FAM227B: variants seen among roughly 807,000 people sequenced by gnomAD.
The protein encoded by FAM227B is family with sequence similarity 227 member B.
FAM227B carries 88 observed loss-of-function variants against 73.8 expected under a neutral mutation model. That is an observed-to-expected ratio of 1.19 (90% confidence interval 1.00 to 1.42). The LOEUF (loss-of-function observed/expected upper bound fraction) is 1.42. Among genes scored for constraint, FAM227B ranks in the 40% most tolerant of loss-of-function variants. The pLI is 0.00. For synonymous variants in FAM227B, 210 were observed against 190.5 expected (o/e 1.10, Z -0.84); for missense variants, 632 against 590.9 (o/e 1.07, Z -0.72).
intron 10 of FAM227B, 27 bp from the exon 11 acceptor site, chr15:49,508,375 C>T: frequency 1.3e-6 from 2 of 1,518,584 alleles, no homozygotes; most frequent in Non-Finnish European, 8.8e-7. Flanking sequence ...CATATTTAGC[C>T]AAATAAATTT....
At chr15:49,520,219 C>A (rs2059684447) in intron 10 of FAM227B, among the ~76,000 whole-genome samples, 1 of 152,228 alleles carries the variant, frequency 6.6e-6, no homozygotes, top group African/African-American at 2.4e-5. Flanking sequence ...GTCCATATCA[C>A]TATCAGCATC....
rs143834769 is a variant in FAM227B at position 49,541,800 on chromosome 15, G to C, written c.754C>G (p.Pro252Ala). 5.6e-6 allele frequency: 8 copies of C among 1,426,776 alleles called. No individual in the cohort carries two copies. In the African/African-American group the frequency reaches 1.0e-4, roughly 18 times the overall value. 88.4% of individuals were successfully genotyped at this position (1,426,776 alleles called of 1,614,324 possible). A position where few individuals can be genotyped will look rare whatever the true frequency, so the allele number is the denominator to read the frequency against. Residue 252 changes from proline (P) to alanine (A), a missense_variant, in exon 10 of 16, where the codon CCT (proline) becomes GCT (alanine). Pro to Ala is a conservative substitution (Grantham distance 27). Transcript: ENST00000299338. Reference protein sequence around the residue: ...SRKDAFFQIYPDCLAQAIYAT... With the variant: ...SRKDAFFQIYADCLAQAIYAT... ...TATATGGCTTGTGCCAAACAATCAG[G>C]ATATATCTACCAAAATAAAATCAAA... is the stretch of plus-strand genomic sequence containing the variant.
Position 49,488,580 on chromosome 15 carries a change from T to A in FAM227B, c.1012+19631A>T, listed in dbSNP as rs998244260. ...CTTTTACTTCCTGGTTATCATGTGGTTGCATTTTCCAAGTTCTTATCATTG... is the reference window on the plus strand; with the variant it reads ...CTTTTACTTCCTGGTTATCATGTGGATGCATTTTCCAAGTTCTTATCATTG... On this transcript the variant is annotated intron_variant, in intron 11 of 15. Transcript: ENST00000299338. The A allele has an allele frequency of 3.3e-5, 5 of 152,096 alleles. No individual in the cohort carries two copies. In the South Asian group the frequency reaches 1.0e-3, roughly 32 times the overall value. 9.4% of individuals were successfully genotyped at this position (152,096 alleles called of 1,614,324 possible).
intron 14 of FAM227B, among the ~76,000 whole-genome samples, chr15:49,334,504 G>T (rs2039356981): frequency 6.6e-6 from 1 of 152,108 alleles, no homozygotes; most frequent in South Asian, 2.1e-4. Flanking sequence ...CAACACCTGA[G>T]TACAGCTGGA....
intron 11 of FAM227B, among the ~76,000 whole-genome samples, chr15:49,392,529 A>G (rs557866930): frequency 5.9e-5 from 9 of 152,144 alleles, no homozygotes; most frequent in Non-Finnish European, 1.0e-4. Flanking sequence ...TATAAAAGTG[A>G]GGTTGAGTAA....
At position 49,494,256 on chromosome 15, in the gene FAM227B, AACACACACACACACAC is replaced by A. The variant is rs374477211; in HGVS notation, c.1012+13939_1012+13954del. Among the ~76,000 whole-genome samples the A allele has an allele frequency of 2.2e-3, 308 of 140,712 alleles. 2 individuals carry two copies. Among genetic ancestry groups the A allele is most frequent in the African/African-American group, 7.7e-3 (300 of 39,080 alleles). 92.3% of individuals were successfully genotyped at this position (140,712 alleles called of 152,430 possible). On this transcript the variant is annotated intron_variant, in intron 11 of 15. Coordinates refer to ENST00000299338, the MANE Select transcript of FAM227B (RefSeq NM_152647.3). ...CTATTGCCTTAGTGGGAGACACACAAACACACACACACACACACACACACACACACACACCCTAAAC... is the reference window on the plus strand; with the variant it reads ...CTATTGCCTTAGTGGGAGACACACAAACACACACACACACACACCCTAAAC...
chr15:49,527,456 T>C (rs368453253), intron 10 of FAM227B, among the ~76,000 whole-genome samples: 18 of 151,886 alleles, frequency 1.2e-4, no homozygotes, highest in East Asian at 1.2e-3. Context: ...AAATAAGACA[T>C]GTATGCATGC....
At chr15:49,345,289 A>C (rs2041304650) in intron 13 of FAM227B, among the ~76,000 whole-genome samples, 1 of 152,300 alleles carries the variant, frequency 6.6e-6, no homozygotes, top group South Asian at 2.1e-4. Context: ...GGGTAGACAT[A>C]CGTTCCTCAT....
rs116434573 is a variant in FAM227B, at chr15:49,605,937, G to A, written c.105+5278C>T. On this transcript the variant is annotated intron_variant, in intron 3 of 15. Transcript: ENST00000299338. Reference sequence around the variant, plus strand: ...TGCTGGCCTGGAGCTTGGGGCTGTGGAGGGTGGGCTTGCACAGTCCTCTTG... The same window carrying A: ...TGCTGGCCTGGAGCTTGGGGCTGTGAAGGGTGGGCTTGCACAGTCCTCTTG... Among the ~76,000 whole-genome samples, 770 of 152,308 alleles carry A rather than the reference G, an allele frequency of 5.1e-3. 7 individuals are homozygous for A. Among genetic ancestry groups the A allele is most frequent in the African/African-American group, 0.018 (731 of 41,568 alleles).
intron 13 of FAM227B, among the ~76,000 whole-genome samples, chr15:49,364,337 C>A (rs1284443500): frequency 1.3e-5 from 2 of 152,022 alleles, no homozygotes; most frequent in Non-Finnish European, 2.9e-5. Flanking sequence ...CTAGTTCAAT[C>A]TTAGTAGGTT....
At position 49,328,086 on chromosome 15, in the gene FAM227B, G is replaced by C; in HGVS notation, c.*482C>G. ...GCTTATTACCAGAGGAGTGATGGAA[G>C]CTTAGCACCGGAGAAGCAAAGTTTG... On this transcript the variant is annotated 3_prime_UTR_variant, in exon 16 of 16. Coordinates refer to ENST00000299338, the MANE Select transcript of FAM227B (RefSeq NM_152647.3). 6.2e-7 allele frequency: 1 copy of C among 1,614,098 alleles called. No individual in the cohort carries two copies. The highest frequency in any genetic ancestry group is 8.5e-7 in the Non-Finnish European group (1 of 1,179,986).
At chr15:49,542,886 A>C (rs2071285164) in intron 9 of FAM227B, among the ~76,000 whole-genome samples, 1 of 151,774 alleles carries the variant, frequency 6.6e-6, no homozygotes, top group Non-Finnish European at 1.5e-5. Flanking sequence ...TATATACCAC[A>C]TTTTCTTTAT....
At chr15:49,607,202 T>C (rs2077574900) in intron 3 of FAM227B, among the ~76,000 whole-genome samples, 1 of 152,180 alleles carries the variant, frequency 6.6e-6, no homozygotes, top group Admixed American at 6.5e-5. Context: ...ATGAAAATAA[T>C]ACCCAGTGCT....
At chr15:49,450,923 G>A (rs569080865) in intron 11 of FAM227B, among the ~76,000 whole-genome samples, 1 of 152,218 alleles carries the variant, frequency 6.6e-6, no homozygotes, top group East Asian at 1.9e-4. Context: ...GATATAGTTA[G>A]TATAGCTACA....
At chr15:49,439,209 G>A (rs2051391837) in intron 11 of FAM227B, among the ~76,000 whole-genome samples, 2 of 151,350 alleles carry the variant, frequency 1.3e-5, no homozygotes, top group South Asian at 2.1e-4. Flanking sequence ...TGGGCCTCTC[G>A]ACAGGCTTCC....
intron 13 of FAM227B, among the ~76,000 whole-genome samples, chr15:49,335,869 T>C (rs1156639487): frequency 6.6e-6 from 1 of 152,228 alleles, no homozygotes; most frequent in African/African-American, 2.4e-5. Context: ...TTATTCATTT[T>C]CGAGACAGGG....
chr15:49,552,796 T>G (rs2073191090), intron 9 of FAM227B, among the ~76,000 whole-genome samples: 1 of 152,214 alleles, frequency 6.6e-6, no homozygotes, highest in Non-Finnish European at 1.5e-5. Flanking sequence ...AATTGCATTT[T>G]CAGCTCCAGA....
At chr15:49,506,717 G>A (rs1232886723) in intron 11 of FAM227B, among the ~76,000 whole-genome samples, 5 of 151,702 alleles carry the variant, frequency 3.3e-5, no homozygotes. Flanking sequence ...CTACTAATGG[G>A]TCAAAGTAGG....
chr15:49,508,093 A>T, intron 11 of FAM227B, 118 bp downstream of exon 11: 1 of 1,018,532 alleles, frequency 9.8e-7, no homozygotes, highest in Non-Finnish European at 1.4e-6. Context: ...TCTATAAATC[A>T]AATGTTATTT....
Sources: gnomAD v4.1 joint callset for allele counts (sites outside exome capture counted in the v4.1 genomes callset) on GRCh38, gnomAD v4.1.1 for gene constraint, MANE v1.5 for transcripts, NCBI Gene and HGNC (gene_info 2026-07-23, HGNC 2026-07-21) for gene names.